The following B3GALT1 variants were observed in gnomAD, a reference collection of about 807,000 sequenced individuals.
B3GALT1 encodes the protein beta-1,3-galactosyltransferase 1.
B3GALT1 carries 10 observed loss-of-function variants against 23.2 expected under a neutral mutation model. The ratio of observed to expected loss-of-function variants is 0.43; its 90% CI spans 0.27 to 0.73. The LOEUF (loss-of-function observed/expected upper bound fraction) is 0.73, where lower values mean the gene tolerates loss of function less well. B3GALT1 is among the 30% of genes least tolerant of loss of function. The pLI is 0.21. For missense variants in B3GALT1, 299 were observed against 405.4 expected, an observed-to-expected ratio of 0.74 and a Z score of 2.25; for synonymous variants, 156 against 141.5, an observed-to-expected ratio of 1.10 and a Z score of -0.73.
chr2:167,665,118 T>C (rs1292276175), intron 3 of B3GALT1, among the ~76,000 whole-genome samples: 1 of 151,962 alleles, frequency 6.6e-6, no homozygotes, highest in Non-Finnish European at 1.5e-5. Flanking sequence ...TTAGCTCTTA[T>C]TATTTTGAGA....
intron 1 of B3GALT1, among the ~76,000 whole-genome samples, chr2:167,380,127 G>A: frequency 6.6e-6 from 1 of 152,172 alleles, no homozygotes; most frequent in Non-Finnish European, 1.5e-5. Flanking sequence ...GCTGTACTCT[G>A]AATGCTTGTA....
At chr2:167,764,993 A>T (rs983219347) in intron 3 of B3GALT1, among the ~76,000 whole-genome samples, 6 of 152,114 alleles carry the variant, frequency 3.9e-5, no homozygotes, top group Non-Finnish European at 8.8e-5. Flanking sequence ...TCATCTCCAG[A>T]TCATAATGGA....
intron 3 of B3GALT1, among the ~76,000 whole-genome samples, chr2:167,720,994 C>T (rs1687222773): frequency 6.6e-6 from 1 of 151,892 alleles, no homozygotes; most frequent in Non-Finnish European, 1.5e-5. Context: ...TGTTATTGTT[C>T]AGCATTCTTT....
chr2:167,588,821 C>G, intron 2 of B3GALT1, among the ~76,000 whole-genome samples: 1 of 83,868 alleles, frequency 1.2e-5, no homozygotes, highest in African/African-American at 5.2e-5. Context: ...CATTCTTTTT[C>G]CTTCCTTCCT....
chr2:167,438,492 T>C (rs768005952), intron 1 of B3GALT1, among the ~76,000 whole-genome samples: 1 of 152,236 alleles, frequency 6.6e-6, no homozygotes, highest in Non-Finnish European at 1.5e-5. Flanking sequence ...TAATGTCTTA[T>C]TGGGATTTTT....
chr2:167,745,129 T>C (rs1295260285), intron 3 of B3GALT1, among the ~76,000 whole-genome samples: 1 of 152,170 alleles, frequency 6.6e-6, no homozygotes, highest in African/African-American at 2.4e-5. Context: ...TTCTATCAAC[T>C]GGTGTGGAAG....
intron 4 of B3GALT1, among the ~76,000 whole-genome samples, chr2:167,839,184 T>C (rs373671947): frequency 2.0e-5 from 3 of 152,270 alleles, no homozygotes; most frequent in East Asian, 1.9e-4. Context: ...CCAGGGCAAT[T>C]AGTCAGGAGA....
chr2:167,551,606 C>G (rs1322079616), intron 2 of B3GALT1, among the ~76,000 whole-genome samples: 1 of 152,172 alleles, frequency 6.6e-6, no homozygotes, highest in African/African-American at 2.4e-5. Flanking sequence ...AGCCTGCTCT[C>G]TAAGCAGTGC....
At chr2:167,660,734 T>C (rs369402859) in intron 3 of B3GALT1, among the ~76,000 whole-genome samples, 2 of 152,138 alleles carry the variant, frequency 1.3e-5, no homozygotes, top group East Asian at 1.9e-4. Flanking sequence ...TTTTATTGAA[T>C]GTAGGATGCA....
intron 3 of B3GALT1, among the ~76,000 whole-genome samples, chr2:167,776,099 T>C (rs1688158247): frequency 6.6e-6 from 1 of 151,554 alleles, no homozygotes; most frequent in Non-Finnish European, 1.5e-5. Flanking sequence ...TTTGGAATGT[T>C]CTCCCACTTT....
intron 2 of B3GALT1, among the ~76,000 whole-genome samples, chr2:167,636,610 A>G (rs958471863): frequency 6.6e-6 from 1 of 152,174 alleles, no homozygotes; most frequent in Non-Finnish European, 1.5e-5. Flanking sequence ...GATAGACTGG[A>G]TAAAGAAAAT....
intron 1 of B3GALT1, among the ~76,000 whole-genome samples, chr2:167,331,997 T>C (rs1696979958): frequency 6.6e-6 from 1 of 152,164 alleles, no homozygotes; most frequent in Non-Finnish European, 1.5e-5. Flanking sequence ...CAGGATGCAG[T>C]CTGGTGAGGT....
intron 3 of B3GALT1, among the ~76,000 whole-genome samples, chr2:167,713,472 C>T (rs1220914789): frequency 6.6e-6 from 1 of 152,146 alleles, no homozygotes; most frequent in Non-Finnish European, 1.5e-5. Context: ...GTTTCTACAT[C>T]ACTATACATT....
intron 2 of B3GALT1, among the ~76,000 whole-genome samples, chr2:167,551,206 T>G (rs1455521174): frequency 1.3e-5 from 2 of 152,172 alleles, no homozygotes; most frequent in Admixed American, 6.5e-5. Flanking sequence ...GGGAAAAGTT[T>G]TGGTGAACAG....
intron 3 of B3GALT1, among the ~76,000 whole-genome samples, chr2:167,749,422 G>T (rs1687699754): frequency 6.6e-6 from 1 of 152,104 alleles, no homozygotes. Flanking sequence ...CTTACCCCAT[G>T]TTCCAACTGA....
chr2:167,726,985 G>A (rs2105261594), intron 3 of B3GALT1, among the ~76,000 whole-genome samples: 1 of 152,326 alleles, frequency 6.6e-6, no homozygotes, highest in East Asian at 1.9e-4. Flanking sequence ...ATTGAGTACA[G>A]GTGTAAAGCT....
chr2:167,603,182 C>T (rs1684904212), intron 2 of B3GALT1, among the ~76,000 whole-genome samples: 1 of 152,156 alleles, frequency 6.6e-6, no homozygotes, highest in Non-Finnish European at 1.5e-5. Context: ...AGTTCTTTGT[C>T]AGTATCAGGC....
intron 3 of B3GALT1, among the ~76,000 whole-genome samples, chr2:167,682,718 C>T (rs1686553538): frequency 6.6e-6 from 1 of 152,232 alleles, no homozygotes; most frequent in African/African-American, 2.4e-5. Context: ...CACTTCCGCC[C>T]TCCCCACCTA....
At chr2:167,712,913 G>C (rs1296817032) in intron 3 of B3GALT1, among the ~76,000 whole-genome samples, 1 of 152,172 alleles carries the variant, frequency 6.6e-6, no homozygotes, top group Non-Finnish European at 1.5e-5. Flanking sequence ...GCAATGATTA[G>C]TTTCTCTACT....
Sources: allele counts gnomAD v4.1 joint callset (sites outside exome capture counted in the v4.1 genomes callset), GRCh38; gene constraint gnomAD v4.1.1; transcripts MANE v1.5; gene names NCBI Gene and HGNC (gene_info 2026-07-23, HGNC 2026-07-21).